The following TTC7B variants were observed in gnomAD, a reference collection of about 807,000 sequenced individuals.
TTC7B encodes tetratricopeptide repeat domain 7B, also known as tetratricopeptide repeat protein 7B.
In TTC7B, 28 loss-of-function variants were observed where a neutral mutation model predicts 106.8. The ratio of observed to expected loss-of-function variants is 0.26; its 90% confidence interval spans 0.19 to 0.36. The LOEUF (loss-of-function observed/expected upper bound fraction) is 0.36, where lower values mean the gene tolerates loss of function less well. TTC7B is among the 10% of genes least tolerant of loss of function. TTC7B has a pLI of 1.00. For missense variants in TTC7B, 862 were observed against 1,076.4 expected (o/e 0.80, Z 2.79); for synonymous variants, 405 against 430.6 (o/e 0.94, Z 0.74).
intron 4 of TTC7B, among the ~76,000 whole-genome samples, chr14:90,732,963 C>G (rs1222291386): frequency 6.6e-6 from 1 of 152,170 alleles, no homozygotes; most frequent in Non-Finnish European, 1.5e-5. Context: ...CCTATTCCTT[C>G]ATTACATTTG....
chr14:90,803,142 CAA>C (rs113209854), intron 1 of TTC7B, among the ~76,000 whole-genome samples: 5 of 139,408 alleles, frequency 3.6e-5, no homozygotes, highest in African/African-American at 5.3e-5. Context: ...GACTCCGATG[CAA>C]AAAAAAAAAA....
chr14:90,554,650 C>T (rs1295203691), intron 19 of TTC7B, among the ~76,000 whole-genome samples: 1 of 152,206 alleles, frequency 6.6e-6, no homozygotes, highest in African/African-American at 2.4e-5. Flanking sequence ...GGTCCTGCCC[C>T]AGAGCCTCAG....
At chr14:90,553,445 T>C (rs1392825223) in intron 19 of TTC7B, among the ~76,000 whole-genome samples, 2 of 152,230 alleles carry the variant, frequency 1.3e-5, no homozygotes, top group African/African-American at 4.8e-5. Context: ...GGCTCTCCGA[T>C]GCACAGCCCC....
At chr14:90,564,698 C>T (rs1245224102) in intron 19 of TTC7B, among the ~76,000 whole-genome samples, 1 of 152,102 alleles carries the variant, frequency 6.6e-6, no homozygotes, top group African/African-American at 2.4e-5. Flanking sequence ...TGCTTGAAGC[C>T]AGGAATTTGA....
chr14:90,735,987 G>A (rs1249225014), intron 4 of TTC7B, among the ~76,000 whole-genome samples: 1 of 152,052 alleles, frequency 6.6e-6, no homozygotes, highest in African/African-American at 2.4e-5. Flanking sequence ...ATAAAGAAGT[G>A]CCTATTAAAC....
At chr14:90,767,027 CCAA>C in intron 3 of TTC7B, 1 of 625,986 alleles carries the variant, frequency 1.6e-6, no homozygotes, top group Non-Finnish European at 2.4e-6. Context: ...AGTTTATATA[CCAA>C]AAAAAAAAAA....
chr14:90,613,451 T>C (rs1309862414), intron 16 of TTC7B, among the ~76,000 whole-genome samples: 3 of 152,240 alleles, frequency 2.0e-5, no homozygotes, highest in South Asian at 2.1e-4. Flanking sequence ...TACTGGATGC[T>C]TGAAGCAATT....
At chr14:90,730,047 TG>T in intron 5 of TTC7B, 27 bp downstream of exon 5, 2 of 1,587,106 alleles carry the variant, frequency 1.3e-6, no homozygotes, top group Non-Finnish European at 1.7e-6. Context: ...CTTTAGGAAG[TG>T]GATTTAAAAA....
chr14:90,695,392 CAT>C (rs1333375879), intron 6 of TTC7B, 106 bp downstream of exon 6: 5 of 418,550 alleles, frequency 1.2e-5, no homozygotes, highest in African/African-American at 8.3e-5. Flanking sequence ...ATTTATAACA[CAT>C]ATATGTCACA....
At position 90,679,765 on chromosome 14, in the gene TTC7B, A is replaced by T. The variant is rs552992530; in HGVS notation, c.1014+707T>A. Among the ~76,000 whole-genome samples the T allele has an allele frequency of 5.3e-5, 8 of 152,372 alleles. 1 individual carries two copies. The South Asian group carries it at 1.7e-3, about 32-fold the overall frequency. On this transcript the variant is annotated intron_variant, in intron 8 of 19. Transcript: ENST00000328459. ...ATCCTGAAGGTTTTAAGCCAGGGCC[A>T]CAGCGCCTAGTGATAGATACACAGG...
intron 4 of TTC7B, among the ~76,000 whole-genome samples, chr14:90,741,106 C>A (rs1464008840): frequency 1.3e-5 from 2 of 152,206 alleles, no homozygotes; most frequent in Non-Finnish European, 2.9e-5. Context: ...AGGGTCCCAA[C>A]ACTGGCAGTC....
intron 5 of TTC7B, among the ~76,000 whole-genome samples, chr14:90,724,090 G>A (rs1426204259): frequency 2.0e-5 from 3 of 151,380 alleles, no homozygotes; most frequent in African/African-American, 7.3e-5. Context: ...CGTCCCTCTG[G>A]TGCTTCCCCA....
intron 4 of TTC7B, among the ~76,000 whole-genome samples, chr14:90,734,676 C>A (rs962125652): frequency 1.2e-4 from 18 of 152,180 alleles, no homozygotes; most frequent in African/African-American, 4.1e-4. Context: ...TGGCCCAAGG[C>A]CTTTTCTGGA....
chr14:90,786,327 A>C lies in TTC7B; in HGVS notation c.123T>G (p.Asp41Glu), dbSNP rs1891388100. Residue 41 changes from aspartate to glutamate, a missense_variant and splice_region_variant, in exon 2 of 20, where the codon GAT becomes GAG. Transcript: ENST00000328459. ...KQLSAKLIAN[D>E]DMAELLLGES... The stretch of plus-strand genomic sequence containing the variant: ...CCCCGAGGAGAAGCTCTGCCATGTC[A>C]TCTACAAAAACAAAGTGAGAACAAA... 6.2e-7 allele frequency: 1 copy of C among 1,613,176 alleles called. No homozygotes were observed. The highest frequency in any genetic ancestry group is 1.3e-5 in the African/African-American group (1 of 74,848).
chr14:90,572,461 G>C (rs1265481974), intron 19 of TTC7B, among the ~76,000 whole-genome samples: 4 of 152,204 alleles, frequency 2.6e-5, no homozygotes, highest in African/African-American at 9.7e-5. Context: ...TATTTCATAA[G>C]AAAATGCATT....
Position 90,575,702 on chromosome 14 carries a change from C to T in TTC7B, c.2310+2404G>A, listed in dbSNP as rs910063150. On this transcript the variant is annotated intron_variant, in intron 19 of 19. Transcript: ENST00000328459. The surrounding 1 kb of genome is among the most constrained non-coding windows in gnomAD (Gnocchi z 5.2). The stretch of plus-strand genomic sequence containing the variant: ...ATCATTTAGAAAATCACCAAGAAGG[C>T]GTGCTCAAGCTACCTTCGGGAGCCA... 1.3e-5 allele frequency among the ~76,000 whole-genome samples: 2 copies of T among 152,194 alleles called. No homozygotes were observed. The highest frequency in any genetic ancestry group is 2.4e-5 in the African/African-American group (1 of 41,446).
intron 17 of TTC7B, among the ~76,000 whole-genome samples, chr14:90,603,697 T>C (rs763060737): frequency 2.0e-5 from 3 of 152,214 alleles, no homozygotes; most frequent in Non-Finnish European, 2.9e-5. Context: ...TTCCCTTCTA[T>C]GAAGTCAAAG....
chr14:90,594,454 C>G (rs891735361), intron 17 of TTC7B, among the ~76,000 whole-genome samples: 1 of 152,182 alleles, frequency 6.6e-6, no homozygotes, highest in Non-Finnish European at 1.5e-5. Context: ...CCTCCTTAAA[C>G]AGAGGCTTGC....
intron 3 of TTC7B, among the ~76,000 whole-genome samples, chr14:90,773,274 A>T (rs938258825): frequency 6.6e-6 from 1 of 152,252 alleles, no homozygotes; most frequent in African/African-American, 2.4e-5. Context: ...TTTGCAGATA[A>T]GAAAAGTCAG....
Sources: gnomAD v4.1 joint callset for allele counts (sites outside exome capture counted in the v4.1 genomes callset) on GRCh38, gnomAD v4.1.1 for gene constraint, Gnocchi (gnomAD v3.1) non-coding constraint, MANE v1.5 for transcripts, NCBI Gene and HGNC (gene_info 2026-07-23, HGNC 2026-07-21) for gene names.